Variants in SPDYE12 observed in about 807,000 individuals in gnomAD.
The protein encoded by SPDYE12 is speedy protein E12.
At chr7:74,910,331 C>T in the SPDYE12 span, among the ~76,000 whole-genome samples, 1 of 150,424 alleles carries the variant, frequency 6.6e-6, no homozygotes, top group African/African-American at 2.4e-5. Flanking sequence ...CCACTGTACT[C>T]CATCCTGGGG....
chr7:74,906,246 A>G, the SPDYE12 span, among the ~76,000 whole-genome samples: 1 of 143,032 alleles, frequency 7.0e-6, no homozygotes, highest in Non-Finnish European at 1.5e-5. Flanking sequence ...GCTGCACAAG[A>G]TGTAAACCAA....
the SPDYE12 span, chr7:74,907,035 G>C: frequency 3.2e-6 from 5 of 1,578,384 alleles, no homozygotes; most frequent in Non-Finnish European, 3.5e-6. Context: ...CCTCGTACAG[G>C]AAGTAGAAGA....
the SPDYE12 span, among the ~76,000 whole-genome samples, chr7:74,910,647 A>G: frequency 6.6e-6 from 1 of 151,236 alleles, no homozygotes; most frequent in Admixed American, 6.6e-5. Flanking sequence ...CAAGATCGAG[A>G]CACTGCCCTT....
the SPDYE12 span, among the ~76,000 whole-genome samples, chr7:74,909,332 G>T: frequency 6.6e-6 from 1 of 151,436 alleles, no homozygotes; most frequent in Non-Finnish European, 1.5e-5. Context: ...GGGATTACAG[G>T]CCTGAGCCAC....
chr7:74,909,532 A>G, the SPDYE12 span: 1 of 1,574,730 alleles, frequency 6.4e-7, no homozygotes, highest in Non-Finnish European at 8.7e-7. Context: ...AGAGCCAGGA[A>G]GAAATGAATG....
the SPDYE12 span, among the ~76,000 whole-genome samples, chr7:74,909,896 G>A: frequency 7.4e-5 from 11 of 148,466 alleles, 1 homozygote; most frequent in African/African-American, 2.7e-4. Flanking sequence ...AGGGTCTTTT[G>A]TGTGCCAGGC....
chr7:74,907,327 G>A, the SPDYE12 span, among the ~76,000 whole-genome samples: 1 of 151,168 alleles, frequency 6.6e-6, no homozygotes, highest in South Asian at 2.1e-4. Flanking sequence ...AAGAGTGGTG[G>A]CTTATGCCTG....
chr7:74,912,770 C>CTTTTTTTTT, the SPDYE12 span, among the ~76,000 whole-genome samples: 33 of 11,238 alleles, frequency 2.9e-3, 11 homozygotes, highest in Admixed American at 9.0e-3. Flanking sequence ...TTTTTTTCTT[C>CTTTTTTTTT]TTTTTTTTTT....
chr7:74,907,399 G>C, the SPDYE12 span, among the ~76,000 whole-genome samples: 1 of 151,198 alleles, frequency 6.6e-6, no homozygotes, highest in African/African-American at 2.4e-5. Context: ...GTTTGAGACA[G>C]GCCTGGGCAA....
the SPDYE12 span, chr7:74,910,874 A>G: frequency 2.8e-6 from 4 of 1,423,404 alleles, no homozygotes; most frequent in Non-Finnish European, 2.9e-6. Flanking sequence ...CCAGGCCAGG[A>G]GTCTTTTAAT....
At chr7:74,912,394 CTTTTT>C in the SPDYE12 span, among the ~76,000 whole-genome samples, 1 of 30,788 alleles carries the variant, frequency 3.2e-5, no homozygotes. Context: ...CTGAGTCCCT[CTTTTT>C]TTTTTTTTTT....
chr7:74,908,661 C>CTTTTTTTTTTTTTTTTTTT, the SPDYE12 span, among the ~76,000 whole-genome samples: 1 of 58,598 alleles, frequency 1.7e-5, no homozygotes, highest in Non-Finnish European at 2.9e-5. Flanking sequence ...GTTTTTTGTT[C>CTTTTTTTTTTTTTTTTTTT]TTTTTTTTTT....
At chr7:74,908,718 G>C in the SPDYE12 span, among the ~76,000 whole-genome samples, 1 of 124,024 alleles carries the variant, frequency 8.1e-6, no homozygotes, top group Non-Finnish European at 1.6e-5. Flanking sequence ...CTGTCGCCCA[G>C]GCTGGAGTGC....
At chr7:74,906,302 A>G in the SPDYE12 span, among the ~76,000 whole-genome samples, 2 of 138,812 alleles carry the variant, frequency 1.4e-5, no homozygotes, top group Non-Finnish European at 3.0e-5. Flanking sequence ...AAGTGCATCA[A>G]TCATAATGAA....
At chr7:74,906,685 GCGATCTCGCGCCCA>G in the SPDYE12 span, 8 of 514,976 alleles carry the variant, frequency 1.6e-5, no homozygotes, top group Non-Finnish European at 2.3e-5. Context: ...AAAGGTGGGC[GCGATCTCGCGCCCA>G]CACCCAGTGC....
At chr7:74,914,932 A>C in the SPDYE12 span, among the ~76,000 whole-genome samples, 76,078 of 137,030 alleles carry the variant, frequency 0.56, 20,238 homozygotes, top group East Asian at 0.9. Context: ...TCAAAAAAAA[A>C]AAACAAAAAA....
chr7:74,911,070 T>C, the SPDYE12 span, among the ~76,000 whole-genome samples: 2 of 129,738 alleles, frequency 1.5e-5, no homozygotes, highest in Admixed American at 8.1e-5. Context: ...AGGCTCCTGC[T>C]CTGAGACTCC....
At chr7:74,909,187 T>G in the SPDYE12 span, among the ~76,000 whole-genome samples, 7 of 150,420 alleles carry the variant, frequency 4.7e-5, 1 homozygote, top group Admixed American at 2.0e-4. Context: ...CCAAGTAGCT[T>G]GGATTACAGG....
the SPDYE12 span, chr7:74,909,498 G>T: frequency 2.7e-6 from 4 of 1,478,364 alleles, no homozygotes; most frequent in East Asian, 4.5e-5. Context: ...GATATTGATG[G>T]ATAGGAGGCA....
Sources: gnomAD v4.1 joint callset for allele counts (sites outside exome capture counted in the v4.1 genomes callset) on GRCh38, gnomAD v4.1.1 for gene constraint, MANE v1.5 for transcripts, NCBI Gene and HGNC (gene_info 2026-07-23, HGNC 2026-07-21) for gene names.